NUP153: variants seen among roughly 807,000 people sequenced by gnomAD.
The protein encoded by NUP153 is nuclear pore complex protein Nup153.
A neutral mutation model predicts 134.6 loss-of-function variants in NUP153; 27 were observed. The ratio of observed to expected loss-of-function variants is 0.20; its 90% confidence interval spans 0.15 to 0.28. The LOEUF (loss-of-function observed/expected upper bound fraction) is 0.28, where lower values mean the gene tolerates loss of function less well. Ranked by LOEUF, NUP153 falls within the 10% of genes least tolerant of loss-of-function variation. NUP153 has a pLI of 1.00. For missense variants in NUP153, 1,821 were observed against 1,731.3 expected, an observed-to-expected ratio of 1.05 and a Z score of -0.92; for synonymous variants, 640 against 623.5, an observed-to-expected ratio of 1.03 and a Z score of -0.40.
Position 17,629,473 on chromosome 6 carries a change from G to A in NUP153, c.2726C>T (p.Ser909Leu), listed in dbSNP as rs754953798. 1.2e-6 allele frequency: 2 copies of A among 1,610,458 alleles called. No homozygotes were observed. The highest frequency in any genetic ancestry group is 1.1e-5 in the South Asian group (1 of 90,030). Residue 909 changes from serine to leucine, a missense_variant, in exon 18 of 22, where the codon TCA becomes TTA. Transcript: ENST00000262077. ...ASSSFKFGVS[S>L]SSSGPSQTLT... is the part of the protein sequence containing the mutation. ...AGTCTGAGAAGGCCCAGAAGAGGAT[G>A]ATGAGACACCAAATTTGAAGGATGA...
intron 1 of NUP153, among the ~76,000 whole-genome samples, chr6:17,705,849 C>G (rs1025650801): frequency 2.0e-5 from 3 of 152,056 alleles, no homozygotes; most frequent in African/African-American, 7.2e-5. Context: ...CCCCCCTCCT[C>G]AAACACACTA....
rs1768202092 is a variant in NUP153, at chr6:17,675,979, T to A, written c.335-209A>T. 6.6e-6 allele frequency among the ~76,000 whole-genome samples: 1 copy of A among 152,214 alleles called. No homozygotes were observed. Among genetic ancestry groups the A allele is most frequent in the Non-Finnish European group, 1.5e-5 (1 of 68,046 alleles). ...TAATTTAAATAAGAGCTAATTTTTT[T>A]AAACCAGTAAGAGTGATGTGATACG... is the stretch of plus-strand genomic sequence containing the variant. On this transcript the variant is annotated intron_variant, in intron 2 of 21. Transcript: ENST00000262077. The surrounding 1 kb of genome is among the most constrained non-coding windows in gnomAD (Gnocchi z 4.4).
Position 17,630,738 on chromosome 6 carries a change from GGGGAGGGGAGAA to G in NUP153, c.2660-1211_2660-1200del, listed in dbSNP as rs538191286. Among the ~76,000 whole-genome samples, 1,200 of 146,800 alleles carry G rather than the reference GGGGAGGGGAGAA, an allele frequency of 8.2e-3. 8 individuals are homozygous for G. Among genetic ancestry groups the G allele is most frequent in the Middle Eastern group, 0.015 (4 of 272 alleles). On this transcript the variant is annotated intron_variant, in intron 17 of 21. Coordinates refer to ENST00000262077, the MANE Select transcript of NUP153 (RefSeq NM_005124.4). Reference sequence around the variant, plus strand: ...AGGGGAGGGGAGACAAGAGGGGAGAGGGGAGGGGAGAAGGGAGGGGAGAGGGGAGAGGGGAGA... The same window carrying G: ...AGGGGAGGGGAGACAAGAGGGGAGAGGGGAGGGGAGAGGGGAGAGGGGAGA...
intron 17 of NUP153, among the ~76,000 whole-genome samples, chr6:17,631,335 T>C (rs1171659536): frequency 1.3e-5 from 2 of 152,204 alleles, no homozygotes; most frequent in Non-Finnish European, 2.9e-5. Context: ...AATTACAAAG[T>C]AGATAAAGCT....
rs902268540 is a variant in NUP153, at chr6:17,615,183, T to C, written c.*914A>G. ...AGTAAATATAAAAATATATGCTTAA[T>C]ACTTTGTACAATACTGGTTTTTGGT... is the stretch of plus-strand genomic sequence containing the variant. On this transcript the variant is annotated 3_prime_UTR_variant, in exon 22 of 22. Transcript: ENST00000262077. This position sits in a 1 kb window ranked among gnomAD's most constrained non-coding sequence, Gnocchi z 5.7. 1.3e-5 allele frequency: 2 copies of C among 152,644 alleles called. No individual in the cohort carries two copies. Among genetic ancestry groups the C allele is most frequent in the Non-Finnish European group, 2.9e-5 (2 of 68,034 alleles). The allele number at this position is 152,644 out of a possible 1,614,324, so 9.5% of individuals were successfully genotyped here.
chr6:17,656,161 C>T (rs1228064233), intron 11 of NUP153, among the ~76,000 whole-genome samples: 2 of 152,262 alleles, frequency 1.3e-5, no homozygotes, highest in African/African-American at 4.8e-5. Context: ...GCCAAGATTG[C>T]GCCACTGCAC....
chr6:17,679,670 G>A (rs1768458537), intron 2 of NUP153, among the ~76,000 whole-genome samples: 1 of 152,176 alleles, frequency 6.6e-6, no homozygotes, highest in Admixed American at 6.5e-5. Context: ...GAGAACAGGA[G>A]GTGGGAGGTA....
chr6:17,637,639 A>G lies in NUP153; in HGVS notation c.1978T>C (p.Ser660Pro), dbSNP rs1327196680. The G allele has an allele frequency of 6.2e-7, 1 of 1,613,934 alleles. No homozygotes were observed. Among genetic ancestry groups the G allele is most frequent in the Non-Finnish European group, 8.5e-7 (1 of 1,180,034 alleles). The change falls in exon 16 of 22, where the codon TCA becomes CCA. Residue 660 changes from serine (S) to proline (P), a missense_variant. Coordinates refer to ENST00000262077, the MANE Select transcript of NUP153 (RefSeq NM_005124.4). ...AGACATGTATCACACTGCCATGATG[A>G]CCCAGCTTTTAAACTCTCCCCAAAC... ...IGFGESLKAG[S>P]SWQCDTCLLQ...
intron 7 of NUP153, 67 bp from the exon 8 acceptor site, chr6:17,669,095 T>C (rs544809738): frequency 1.6e-6 from 2 of 1,217,544 alleles, no homozygotes; most frequent in Non-Finnish European, 2.3e-6. Context: ...TTTTTTTTTT[T>C]TGAGATGGAG....
At chr6:17,665,986 G>A (rs186744813) in intron 8 of NUP153, among the ~76,000 whole-genome samples, 194 of 147,586 alleles carry the variant, frequency 1.3e-3, no homozygotes, top group African/African-American at 4.6e-3. Context: ...AACTCACCTG[G>A]CTTTTTTTTT....
rs1411246813 is a variant in NUP153, at chr6:17,704,427, C to T, written c.111+1850G>A. Among the ~76,000 whole-genome samples the T allele has an allele frequency of 2.0e-5, 3 of 152,026 alleles. 1 individual carries two copies. Among genetic ancestry groups the T allele is most frequent in the Non-Finnish European group, 4.4e-5 (3 of 68,020 alleles). Reference sequence around the variant, plus strand: ...TACATGTCATACAAGAAAATCTAAGCACTCAAAGGCATTCATAGGAGAAAA... The same window carrying T: ...TACATGTCATACAAGAAAATCTAAGTACTCAAAGGCATTCATAGGAGAAAA... On this transcript the variant is annotated intron_variant, in intron 1 of 21. Coordinates refer to ENST00000262077, the MANE Select transcript of NUP153 (RefSeq NM_005124.4).
intron 2 of NUP153, among the ~76,000 whole-genome samples, chr6:17,686,228 G>A (rs1179858484): frequency 6.6e-6 from 1 of 152,072 alleles, no homozygotes; most frequent in Non-Finnish European, 1.5e-5. Flanking sequence ...AAGTATTCCA[G>A]AAGAAGGCAT....
intron 14 of NUP153, among the ~76,000 whole-genome samples, chr6:17,645,762 G>A (rs1766134943): frequency 6.6e-6 from 1 of 152,100 alleles, no homozygotes; most frequent in South Asian, 2.1e-4. Flanking sequence ...TTCTTATAAT[G>A]AGACTTGCTT....
intron 11 of NUP153, among the ~76,000 whole-genome samples, chr6:17,655,533 A>G (rs1387450668): frequency 6.6e-6 from 1 of 151,698 alleles, no homozygotes; most frequent in African/African-American, 2.4e-5. Flanking sequence ...AGCTCACTGC[A>G]ACCTCCCCCT....
chr6:17,623,108 C>T (rs1365134824), intron 20 of NUP153, among the ~76,000 whole-genome samples: 7 of 143,612 alleles, frequency 4.9e-5, no homozygotes, highest in African/African-American at 1.6e-4. Context: ...CCAGCATGGG[C>T]GACACAGTGA....
chr6:17,674,735 G>A (rs1342218453), intron 5 of NUP153, among the ~76,000 whole-genome samples, 170 bp downstream of exon 5: 2 of 151,824 alleles, frequency 1.3e-5, no homozygotes, highest in African/African-American at 4.8e-5. Context: ...TTGTGCCACC[G>A]CACTCCAGCC....
chr6:17,637,669 T>C lies in NUP153; in HGVS notation c.1948A>G (p.Ile650Val), dbSNP rs146284308. 1.0e-4 allele frequency: 163 copies of C among 1,613,298 alleles called. No homozygotes were observed. The highest frequency in any genetic ancestry group is 1.6e-4 in the Middle Eastern group (1 of 6,084). The change falls in exon 16 of 22, where the codon ATT becomes GTT. Residue 650 changes from isoleucine to valine, a missense_variant. Transcript: ENST00000262077. ...GCTTTTAAACTCTCCCCAAACCCAATTCCACTAGAAGAAAAGCTACTTATT... is the reference window on the plus strand; with the variant it reads ...GCTTTTAAACTCTCCCCAAACCCAACTCCACTAGAAGAAAAGCTACTTATT... ...PAISSFSSSG[I>V]GFGESLKAGS...
Position 17,647,794 on chromosome 6 carries a change from G to C in NUP153, c.1632+13C>G, listed in dbSNP as rs747124203. 2 of 1,467,630 alleles carry C rather than the reference G, an allele frequency of 1.4e-6. No individual in the cohort carries two copies. The highest frequency in any genetic ancestry group is 2.3e-5 in the East Asian group (1 of 44,118). 90.9% of individuals were successfully genotyped at this position (1,467,630 alleles called of 1,614,324 possible). On this transcript the variant is annotated intron_variant, in intron 13 of 21. Coordinates refer to ENST00000262077, the MANE Select transcript of NUP153 (RefSeq NM_005124.4). ...AATCAGTAAATATATACTATTCCTT[G>C]CTTGTTACTTACAGATGATGGAGGT... is the stretch of plus-strand genomic sequence containing the variant.
chr6:17,706,515 T>G lies in NUP153; in HGVS notation c.-128A>C, dbSNP rs1434774916. The G allele has an allele frequency of 1.4e-5, 9 of 655,544 alleles. No homozygotes were observed. The highest frequency in any genetic ancestry group is 1.9e-5 in the African/African-American group (1 of 52,800). The allele number at this position is 655,544 out of a possible 1,614,324, so 40.6% of individuals were successfully genotyped here. A position where few individuals can be genotyped will look rare whatever the true frequency, so the allele number is the denominator to read the frequency against. On this transcript the variant is annotated 5_prime_UTR_variant, in exon 1 of 22. Coordinates refer to ENST00000262077, the MANE Select transcript of NUP153 (RefSeq NM_005124.4). This position sits in a 1 kb window ranked among gnomAD's most constrained non-coding sequence, Gnocchi z 5.9. ...AAGTCCGCCCGCGCTGTCCACACAGTGGGCACAAGCACCCCAGGAACCGCG... is the reference window on the plus strand; with the variant it reads ...AAGTCCGCCCGCGCTGTCCACACAGGGGGCACAAGCACCCCAGGAACCGCG...
Sources: allele counts gnomAD v4.1 joint callset (sites outside exome capture counted in the v4.1 genomes callset), GRCh38; gene constraint gnomAD v4.1.1; non-coding constraint Gnocchi (gnomAD v3.1); transcripts MANE v1.5; gene names NCBI Gene and HGNC (gene_info 2026-07-23, HGNC 2026-07-21).